MTMR8: variants seen among roughly 807,000 people sequenced by gnomAD.
MTMR8 encodes the protein myotubularin related protein 8, also known as phosphatidylinositol-3,5-bisphosphate 3-phosphatase MTMR8.
A neutral mutation model predicts 39.3 loss-of-function variants in MTMR8; 65 were observed. The ratio of observed to expected loss-of-function variants is 1.65; its 90% CI spans 1.35 to 2.03. The LOEUF is 2.03. MTMR8 is among the 30% of genes most tolerant of loss of function. The pLI is 0.00. For missense variants in MTMR8, 777 were observed against 538.9 expected, an observed-to-expected ratio of 1.44 and a Z score of -4.37; for synonymous variants, 245 against 185.2, an observed-to-expected ratio of 1.32 and a Z score of -2.62.
intron 1 of MTMR8, among the ~76,000 whole-genome samples, chrX:64,360,575 G>C (rs747998072): frequency 1.8e-5 from 2 of 110,318 alleles, no homozygotes; most frequent in African/African-American, 6.6e-5. Flanking sequence ...AATTCCAAAC[G>C]TTCAATATCA....
At chrX:64,276,509 A>G in intron 12 of MTMR8, among the ~76,000 whole-genome samples, 1 of 111,778 alleles carries the variant, frequency 8.9e-6, no homozygotes, top group African/African-American at 3.2e-5. Flanking sequence ...TTCAATAATT[A>G]CCCAGTAGTC....
chrX:64,388,726 C>T (rs924680595), intron 1 of MTMR8, among the ~76,000 whole-genome samples: 2 of 112,374 alleles, frequency 1.8e-5, no homozygotes, highest in African/African-American at 6.5e-5. Context: ...GGCATGTACA[C>T]ACATGCACAC....
intron 1 of MTMR8, among the ~76,000 whole-genome samples, chrX:64,371,100 T>C (rs1419170155): frequency 2.7e-5 from 3 of 112,080 alleles, no homozygotes; most frequent in African/African-American, 9.7e-5. Context: ...GAGGCTGCGA[T>C]TGCACCATGA....
intron 12 of MTMR8, among the ~76,000 whole-genome samples, chrX:64,313,198 A>G (rs1189560539): frequency 8.9e-6 from 1 of 112,477 alleles, no homozygotes; most frequent in African/African-American, 3.2e-5. Context: ...TGCTTCATCT[A>G]TATTGAAAAA....
chrX:64,336,740 T>C (rs1040553493), intron 9 of MTMR8, among the ~76,000 whole-genome samples: 3 of 111,260 alleles, frequency 2.7e-5, no homozygotes, highest in Middle Eastern at 4.6e-3. Context: ...GAGGTTGCAG[T>C]GAGCCAATAT....
intron 1 of MTMR8, among the ~76,000 whole-genome samples, chrX:64,385,825 C>T (rs1203963509): frequency 1.8e-5 from 2 of 111,601 alleles, no homozygotes; most frequent in East Asian, 5.7e-4. Context: ...GCCCCGTCTT[C>T]AACATTGGGG....
At chrX:64,323,301 C>T (rs965364284) in intron 12 of MTMR8, among the ~76,000 whole-genome samples, 1 of 111,625 alleles carries the variant, frequency 9.0e-6, no homozygotes, top group Non-Finnish European at 1.9e-5. Context: ...GGCTTTAAGG[C>T]AAAAACTATA....
At position 64,382,087 on chromosome X, in the gene MTMR8, G is replaced by T. The variant is rs55860150; in HGVS notation, c.24+13253C>A. Among the ~76,000 whole-genome samples the T allele has an allele frequency of 8.2e-3, 917 of 111,569 alleles. 6 individuals are homozygous for T. The highest frequency in any genetic ancestry group is 0.013 in the Non-Finnish European group (692 of 53,102). On this transcript the variant is annotated intron_variant, in intron 1 of 13. Coordinates refer to ENST00000374852, the MANE Select transcript of MTMR8 (RefSeq NM_017677.4). ...GTTTAGGATTGACTTGGCAATGTGG[G>T]CTCTTTTTTGGTTCCATATGAACTT...
At chrX:64,369,959 A>G (rs1441238092) in intron 1 of MTMR8, among the ~76,000 whole-genome samples, 1 of 111,541 alleles carries the variant, frequency 9.0e-6, no homozygotes, top group Non-Finnish European at 1.9e-5. Flanking sequence ...CTAAAATTTC[A>G]TGTGTATAAA....
At position 64,302,426 on chromosome X, in the gene MTMR8, G is replaced by A. The variant is rs746809302; in HGVS notation, c.1481+26346C>T. On this transcript the variant is annotated intron_variant, in intron 12 of 13. Coordinates refer to ENST00000374852, the MANE Select transcript of MTMR8 (RefSeq NM_017677.4). ...GCAATGCCTCGCCCTGCTTCGGCTCGCGGACGGTGCGCACACCCACTGGCC... is the reference window on the plus strand; with the variant it reads ...GCAATGCCTCGCCCTGCTTCGGCTCACGGACGGTGCGCACACCCACTGGCC... Among the ~76,000 whole-genome samples, 447 of 111,747 alleles carry A rather than the reference G, an allele frequency of 4.0e-3. 2 individuals are homozygous for A. Among genetic ancestry groups the A allele is most frequent in the African/African-American group, 0.014 (429 of 30,830 alleles).
At chrX:64,391,636 C>G (rs758735566) in intron 1 of MTMR8, among the ~76,000 whole-genome samples, 1 of 112,050 alleles carries the variant, frequency 8.9e-6, no homozygotes, top group Non-Finnish European at 1.9e-5. Context: ...TAATTAATAA[C>G]GATGATGATA....
chrX:64,310,719 C>A (rs1447417265), intron 12 of MTMR8, among the ~76,000 whole-genome samples: 1 of 109,850 alleles, frequency 9.1e-6, no homozygotes, highest in Non-Finnish European at 1.9e-5. Flanking sequence ...TCTCATTGTT[C>A]AATTCCCACC....
chrX:64,365,773 A>T (rs1923933178), intron 1 of MTMR8, among the ~76,000 whole-genome samples: 1 of 111,829 alleles, frequency 8.9e-6, no homozygotes, highest in Non-Finnish European at 1.9e-5. Context: ...TTAACCTTAA[A>T]TGTAAATGGG....
At chrX:64,390,872 G>A (rs1647215632) in intron 1 of MTMR8, among the ~76,000 whole-genome samples, 1 of 111,037 alleles carries the variant, frequency 9.0e-6, no homozygotes, top group African/African-American at 3.3e-5. Flanking sequence ...CACCCAGGCT[G>A]GTCTCAAACT....
intron 12 of MTMR8, among the ~76,000 whole-genome samples, chrX:64,308,466 G>C (rs1036447423): frequency 9.2e-6 from 1 of 108,888 alleles, no homozygotes; most frequent in Non-Finnish European, 1.9e-5. Flanking sequence ...ACTGTGCCCA[G>C]CTGACAGGGC....
intron 12 of MTMR8, among the ~76,000 whole-genome samples, chrX:64,295,454 G>T (rs1343981101): frequency 3.6e-5 from 4 of 111,197 alleles, no homozygotes; most frequent in African/African-American, 9.8e-5. Flanking sequence ...AGGCAACAAA[G>T]AATAAATTGA....
chrX:64,328,764 G>T lies in MTMR8; in HGVS notation c.1481+8C>A. ...TATAAGAAAGGAGGGAAAAACTTAA[G>T]AACTTACTGAATGTTGTAGGGCACA... On this transcript the variant is annotated splice_region_variant and intron_variant, in intron 12 of 13. Coordinates refer to ENST00000374852, the MANE Select transcript of MTMR8 (RefSeq NM_017677.4). 8.7e-7 allele frequency: 1 copy of T among 1,152,871 alleles called. No homozygotes were observed. Among genetic ancestry groups the T allele is most frequent in the East Asian group, 3.1e-5 (1 of 32,157 alleles).
At chrX:64,312,822 A>G (rs950296365) in intron 12 of MTMR8, among the ~76,000 whole-genome samples, 1 of 112,470 alleles carries the variant, frequency 8.9e-6, no homozygotes, top group Admixed American at 9.4e-5. Context: ...GCAGATCTCC[A>G]TAAGAGCTCC....
At chrX:64,387,432 A>C (rs1379397640) in intron 1 of MTMR8, among the ~76,000 whole-genome samples, 1 of 111,016 alleles carries the variant, frequency 9.0e-6, no homozygotes, top group Non-Finnish European at 1.9e-5. Context: ...AGGAAGCCTG[A>C]AGGGAGGGGA....
Sources: allele counts gnomAD v4.1 joint callset (sites outside exome capture counted in the v4.1 genomes callset), GRCh38; gene constraint gnomAD v4.1.1; transcripts MANE v1.5; gene names NCBI Gene and HGNC (gene_info 2026-07-23, HGNC 2026-07-21).